Variants in MPHOSPH9 observed in about 807,000 individuals in gnomAD.
MPHOSPH9 encodes the protein M-phase phosphoprotein 9.
A neutral mutation model predicts 145.5 loss-of-function variants in MPHOSPH9; 88 were observed. That is an observed-to-expected ratio of 0.60 (90% CI 0.51 to 0.72). The LOEUF (loss-of-function observed/expected upper bound fraction) is 0.72, where lower values mean the gene tolerates loss of function less well. Among genes scored for constraint, MPHOSPH9 ranks in the 30% least tolerant of loss-of-function variants. The probability of loss-of-function intolerance (pLI) is 0.00; values close to 1 mark genes in which losing one functional copy is unlikely to be tolerated. For missense variants in MPHOSPH9, 1,238 were observed against 1,386.6 expected (o/e 0.89, Z 1.70); for synonymous variants, 435 against 486.2 (o/e 0.89, Z 1.39).
In MPHOSPH9 at chr12:123,202,312, G is replaced by A. The variant is rs1340851587; in HGVS notation, c.1789C>T (p.Gln597Ter). 2 of 1,598,640 alleles carry A rather than the reference G, an allele frequency of 1.3e-6. No individual in the cohort carries two copies. The highest frequency in any genetic ancestry group is 1.7e-6 in the Non-Finnish European group (2 of 1,175,822). The change falls in exon 11 of 24, where the codon CAG becomes TAG. Residue 597 changes from glutamine (Q) to a stop codon, truncating the protein, a stop_gained. Transcript: ENST00000606320. LOFTEE classifies it high-confidence loss of function. ...CGAGCATGCTTTTCCTTCAGATTCT[G>A]CCTAATCCTTATTCAGTGAGAATAA... ...EDPVILSKIR[Q>*]NLKEKHARHI... is the part of the protein sequence containing the mutation.
At chr12:123,193,086 A>AT (rs1313537523) in intron 13 of MPHOSPH9, among the ~76,000 whole-genome samples, 4 of 70,486 alleles carry the variant, frequency 5.7e-5, no homozygotes, top group African/African-American at 1.6e-4. Flanking sequence ...AAAAAAAAAA[A>AT]AAAAAAAAAA....
chr12:123,207,856 GAAAAAAAAAAAAGA>G (rs929716813), intron 8 of MPHOSPH9, among the ~76,000 whole-genome samples: 5 of 43,474 alleles, frequency 1.2e-4, no homozygotes, highest in South Asian at 7.0e-4. Flanking sequence ...CCGCCTCAAA[GAAAAAAAAAAAAGA>G]AAAAAAAAAA....
chr12:123,173,455 A>AGACTCTTGTTC (rs2044681342), intron 16 of MPHOSPH9, among the ~76,000 whole-genome samples: 1 of 152,172 alleles, frequency 6.6e-6, no homozygotes, highest in Admixed American at 6.5e-5. Context: ...ATGGGTCATA[A>AGACTCTTGTTC]GACTCTTGTT....
chr12:123,176,717 A>G lies in MPHOSPH9; in HGVS notation c.2427T>C (p.Ser809=). ...HENMLSLRHN[S]RIHVRPSRAN... ...CACGCGAGGGTCTCACGTGAATTCT[A>G]GAATTATGACGAAGGCTTAACATAT... The change falls in exon 16 of 24, where the codon TCT becomes TCC. Residue 809 remains serine, a synonymous_variant. Transcript: ENST00000606320. 1 of 1,613,994 alleles carries G rather than the reference A, an allele frequency of 6.2e-7. No individual in the cohort carries two copies. The highest frequency in any genetic ancestry group is 8.5e-7 in the Non-Finnish European group (1 of 1,179,926).
intron 13 of MPHOSPH9, among the ~76,000 whole-genome samples, chr12:123,188,812 C>A (rs558944233): frequency 6.6e-6 from 1 of 152,308 alleles, no homozygotes; most frequent in Non-Finnish European, 1.5e-5. Flanking sequence ...AGCGCCACTG[C>A]ACTCCTGCCT....
upstream of MPHOSPH9, chr12:123,233,239 C>T (rs1368668664): frequency 6.6e-6 from 1 of 152,368 alleles, no homozygotes; most frequent in Non-Finnish European, 1.5e-5. Flanking sequence ...CGTTCCCCCT[C>T]GCGCAGCTCC....
chr12:123,196,985 G>A (rs1167628744), intron 12 of MPHOSPH9, among the ~76,000 whole-genome samples: 1 of 150,492 alleles, frequency 6.6e-6, no homozygotes, highest in African/African-American at 2.4e-5. Context: ...GTGGTTGCCA[G>A]GGTGTGGAAG....
intron 13 of MPHOSPH9, among the ~76,000 whole-genome samples, chr12:123,183,391 T>G (rs1255990200): frequency 6.6e-6 from 1 of 151,222 alleles, no homozygotes; most frequent in East Asian, 1.9e-4. Flanking sequence ...CTACTAAAAA[T>G]ACAAAAATTA....
chr12:123,216,314 G>A (rs1028877722), intron 6 of MPHOSPH9, among the ~76,000 whole-genome samples: 1 of 152,146 alleles, frequency 6.6e-6, no homozygotes, highest in South Asian at 2.1e-4. Flanking sequence ...CTAAATTGAA[G>A]AAATAAAATT....
intron 1 of MPHOSPH9, among the ~76,000 whole-genome samples, chr12:123,242,367 ATTTTTC>A (rs1490605819): frequency 6.6e-6 from 1 of 151,926 alleles, no homozygotes; most frequent in East Asian, 1.9e-4. Flanking sequence ...TCTCTGTACC[ATTTTTC>A]TTTTTCTCTT....
chr12:123,170,129 C>T (rs2044511589), intron 16 of MPHOSPH9, among the ~76,000 whole-genome samples: 1 of 151,272 alleles, frequency 6.6e-6, no homozygotes, highest in African/African-American at 2.4e-5. Flanking sequence ...AGGCGCGTAC[C>T]ACCAACCACC....
chr12:123,197,052 T>G (rs1199060030), intron 12 of MPHOSPH9, among the ~76,000 whole-genome samples: 1 of 148,786 alleles, frequency 6.7e-6, no homozygotes, highest in African/African-American at 2.5e-5. Flanking sequence ...TTTTTTTTTT[T>G]TTTTTTTGAG....
At chr12:123,194,628 T>TC in intron 12 of MPHOSPH9, 27 bp from the exon 13 acceptor site, 1 of 1,500,328 alleles carries the variant, frequency 6.7e-7, no homozygotes, top group Middle Eastern at 2.4e-4. Flanking sequence ...AACATAATTT[T>TC]TTTTTTTTTT....
rs749425122 is a variant in MPHOSPH9, at chr12:123,210,164, T to TGATG, written c.1088-6_1088-3dup. 1.3e-6 allele frequency: 2 copies of TGATG among 1,574,210 alleles called. No homozygotes were observed. The highest frequency in any genetic ancestry group is 1.7e-6 in the Non-Finnish European group (2 of 1,155,176). ...CCTCTAGTTTCCAGTAAGTCAATCC[T>TGATG]GATGTGCACAAACACACAGAATAGA... On this transcript the variant is annotated splice_polypyrimidine_tract_variant and splice_region_variant and intron_variant, in intron 7 of 23. Coordinates refer to ENST00000606320, the MANE Select transcript of MPHOSPH9 (RefSeq NM_022782.4).
At chr12:123,211,960 G>A (rs1442679654) in intron 7 of MPHOSPH9, among the ~76,000 whole-genome samples, 1 of 152,130 alleles carries the variant, frequency 6.6e-6, no homozygotes, top group Non-Finnish European at 1.5e-5. Context: ...TTCCCAAAGT[G>A]CTGGGATCAC....
At chr12:123,168,804 C>T (rs1332159213) in intron 16 of MPHOSPH9, among the ~76,000 whole-genome samples, 1 of 152,004 alleles carries the variant, frequency 6.6e-6, no homozygotes, top group Non-Finnish European at 1.5e-5. Flanking sequence ...CTCTTGTTTT[C>T]TCTCTGTCCC....
intron 13 of MPHOSPH9, among the ~76,000 whole-genome samples, chr12:123,190,425 C>G (rs567092246): frequency 2.4e-4 from 36 of 152,292 alleles, no homozygotes; most frequent in African/African-American, 6.7e-4. Context: ...ACTGGGATTA[C>G]AGGTGCAAGC....
At chr12:123,161,079 T>G in intron 22 of MPHOSPH9, 57 bp downstream of exon 22, 1 of 1,582,374 alleles carries the variant, frequency 6.3e-7, no homozygotes, top group Non-Finnish European at 8.6e-7. Context: ...TCCCTTCTCC[T>G]TAGACATAAG....
rs2047197826 is a variant in MPHOSPH9, at chr12:123,221,468, G to A, written c.776C>T (p.Ser259Phe). The A allele has an allele frequency of 6.2e-7, 1 of 1,613,560 alleles. No homozygotes were observed. Among genetic ancestry groups the A allele is most frequent in the Non-Finnish European group, 8.5e-7 (1 of 1,179,684 alleles). ...AGAAATGGATACATCTTCCTTTAAA[G>A]ACACATGACACTCTTCAGGAGTCTG... is the stretch of plus-strand genomic sequence containing the variant. The part of the protein sequence containing the change: ...YIQTPEECHV[S>F]LKEDVSISPG... The change falls in exon 5 of 24, where the codon TCT becomes TTT. Residue 259 changes from serine (S) to phenylalanine (F), a missense_variant. Physicochemically the swap from Ser to Phe is radical, Grantham distance 155. Coordinates refer to ENST00000606320, the MANE Select transcript of MPHOSPH9 (RefSeq NM_022782.4).
Sources: gnomAD v4.1 joint callset for allele counts (sites outside exome capture counted in the v4.1 genomes callset) on GRCh38, gnomAD v4.1.1 for gene constraint, MANE v1.5 for transcripts, NCBI Gene and HGNC (gene_info 2026-07-23, HGNC 2026-07-21) for gene names.